The following AASS variants were observed in gnomAD, a reference collection of about 807,000 sequenced individuals.
AASS encodes the protein alpha-aminoadipic semialdehyde synthase, mitochondrial.
Under a neutral mutation model 105.4 loss-of-function variants are expected in AASS, and 86 were observed. That is an observed-to-expected ratio of 0.82 (90% CI 0.69 to 0.98). AASS has a LOEUF of 0.98. Among genes scored for constraint, AASS ranks in the 50% least tolerant of loss-of-function variants. The pLI, the probability that AASS is intolerant of heterozygous loss-of-function variation, is 0.00. For missense variants in AASS, 1,048 were observed against 1,143.2 expected (o/e 0.92, Z 1.20); for synonymous variants, 381 against 394.8 (o/e 0.96, Z 0.41).
At chr7:122,106,969 G>A (rs189555901) in intron 11 of AASS, among the ~76,000 whole-genome samples, 167 of 152,074 alleles carry the variant, frequency 1.1e-3, no homozygotes, top group Non-Finnish European at 1.5e-3. Flanking sequence ...TACAGAATGG[G>A]AGAAAATATT....
rs376317680 is a variant in AASS at position 122,126,368 on chromosome 7, T to C, written c.472+7A>G. 16 of 1,612,682 alleles carry C rather than the reference T, an allele frequency of 9.9e-6. No homozygotes were observed. The African/African-American group carries it at 1.3e-4, about 13-fold the overall frequency. ...GAAGTGGGTGATGTAAGCCCTGGCA[T>C]ACTTACCTGCCACACCAGCCCACTG... On this transcript the variant is annotated splice_region_variant and intron_variant, in intron 4 of 23. Transcript: ENST00000417368.
chr7:122,091,542 G>T (rs888085065), intron 18 of AASS, among the ~76,000 whole-genome samples, 161 bp downstream of exon 18: 2 of 152,150 alleles, frequency 1.3e-5, no homozygotes, highest in African/African-American at 4.8e-5. Flanking sequence ...AGGATACCGT[G>T]CTAAATAGAA....
intron 11 of AASS, among the ~76,000 whole-genome samples, chr7:122,111,688 G>A (rs1794942348): frequency 6.6e-6 from 1 of 152,086 alleles, no homozygotes; most frequent in Non-Finnish European, 1.5e-5. Flanking sequence ...TGGATCACGA[G>A]GTCAGGAGTT....
chr7:122,111,630 G>A (rs1349929257), intron 11 of AASS, among the ~76,000 whole-genome samples: 7 of 152,092 alleles, frequency 4.6e-5, no homozygotes, highest in East Asian at 1.9e-4. Flanking sequence ...GTGGCTGGGC[G>A]CGGTGGCTCA....
intron 11 of AASS, among the ~76,000 whole-genome samples, chr7:122,112,259 A>G (rs539499997): frequency 6.6e-6 from 1 of 152,340 alleles, no homozygotes; most frequent in South Asian, 2.1e-4. Context: ...TACTTTGAAC[A>G]CTTCCTGCAC....
intron 19 of AASS, chr7:122,082,960 G>A: frequency 1.0e-6 from 1 of 987,404 alleles, no homozygotes. Context: ...GACCATAATG[G>A]TTTATTCCCC....
intron 4 of AASS, among the ~76,000 whole-genome samples, chr7:122,120,907 T>A (rs1189065183): frequency 6.6e-6 from 1 of 152,240 alleles, no homozygotes; most frequent in South Asian, 2.1e-4. Flanking sequence ...ACAGTCAGAA[T>A]ACATACTGTA....
chr7:122,117,815 C>T (rs919157025), intron 6 of AASS, among the ~76,000 whole-genome samples: 1 of 151,918 alleles, frequency 6.6e-6, no homozygotes, highest in Non-Finnish European at 1.5e-5. Context: ...GTCACCATGC[C>T]TGGCTAATTT....
chr7:122,118,340 T>C lies in AASS; in HGVS notation c.654A>G (p.Thr218=), dbSNP rs1265175249. ...CATTACCAGTTCCTGTGAACACAAATGTTAAGGGTCCTATTGACTTAGGCA... is the reference window on the plus strand; with the variant it reads ...CATTACCAGTTCCTGTGAACACAAACGTTAAGGGTCCTATTGACTTAGGCA... ...GLMPKSIGPL[T]FVFTGTGNVS... The change falls in exon 6 of 24, where the codon ACA becomes ACG. Residue 218 remains threonine, a synonymous_variant. Coordinates refer to ENST00000417368, the MANE Select transcript of AASS (RefSeq NM_005763.4). 16 of 1,614,144 alleles carry C rather than the reference T, an allele frequency of 9.9e-6. No homozygotes were observed. Among genetic ancestry groups the C allele is most frequent in the African/African-American group, 1.3e-5 (1 of 75,048 alleles).
chr7:122,134,945 TA>T, intron 1 of AASS, among the ~76,000 whole-genome samples: 1 of 152,144 alleles, frequency 6.6e-6, no homozygotes, highest in East Asian at 1.9e-4. Context: ...TATGCAGCCA[TA>T]AAAAAGGATG....
chr7:122,077,941 A>T lies in AASS; in HGVS notation c.2559T>A (p.His853Gln). Residue 853 changes from histidine (H) to glutamine (Q), a missense_variant, in exon 23 of 24, where the codon CAT becomes CAA. Coordinates refer to ENST00000417368, the MANE Select transcript of AASS (RefSeq NM_005763.4). Reference sequence around the variant, plus strand: ...CATAAGCCACAAGATCAATCGTTTTATGTTCTAAATGTCCAGAAGGATGTC... The same window carrying T: ...CATAAGCCACAAGATCAATCGTTTTTTGTTCTAAATGTCCAGAAGGATGTC... The part of the protein sequence containing the change: ...GIRHPSGHLE[H>Q]KTIDLVAYGD... 6.2e-7 allele frequency: 1 copy of T among 1,614,196 alleles called. No individual in the cohort carries two copies. The highest frequency in any genetic ancestry group is 8.5e-7 in the Non-Finnish European group (1 of 1,180,020).
chr7:122,079,561 G>C (rs768705154), intron 21 of AASS, 36 bp downstream of exon 21: 1 of 1,423,534 alleles, frequency 7.0e-7, no homozygotes. Flanking sequence ...CATTGATCCA[G>C]TATATTTTGC....
chr7:122,133,555 AG>A lies in AASS; in HGVS notation c.171del (p.Leu58Ter), dbSNP rs754563986. ...GCCCGCCGATTCGAAGGCTGTATCA[AG>A]ACCTTGTATCCCAGATTGGTGATGC... ...IKGITNLGYK[V>X]LIQPSNRRAI... On this transcript the variant is annotated frameshift_variant, in exon 2 of 24. Coordinates refer to ENST00000417368, the MANE Select transcript of AASS (RefSeq NM_005763.4). LOFTEE classifies it high-confidence loss of function. The A allele has an allele frequency of 6.2e-7, 1 of 1,614,218 alleles. No homozygotes were observed. Among genetic ancestry groups the A allele is most frequent in the South Asian group, 1.1e-5 (1 of 91,078 alleles).
intron 18 of AASS, among the ~76,000 whole-genome samples, chr7:122,087,554 G>GA (rs1161751619): frequency 7.2e-5 from 11 of 151,976 alleles, no homozygotes; most frequent in Non-Finnish European, 1.3e-4. Context: ...CTAAATTTTT[G>GA]AAAAAATCTA....
intron 1 of AASS, 80 bp downstream of exon 1, chr7:122,144,081 C>T (rs375226341): frequency 6.6e-6 from 1 of 152,384 alleles, no homozygotes; most frequent in Non-Finnish European, 1.5e-5. Flanking sequence ...GAGCCCGGCC[C>T]GCTATCTCCA....
chr7:122,098,471 GCCA>G lies in AASS; in HGVS notation c.1631_1633del (p.Val544del). 1 of 1,612,062 alleles carries G rather than the reference GCCA, an allele frequency of 6.2e-7. No homozygotes were observed. Among genetic ancestry groups the G allele is most frequent in the Non-Finnish European group, 8.5e-7 (1 of 1,178,728 alleles). On this transcript the variant is annotated inframe_deletion, in exon 15 of 24. Coordinates refer to ENST00000417368, the MANE Select transcript of AASS (RefSeq NM_005763.4). ...TGACCTGATGACAAGATCCTGTTTTGCCACCAAGAAGCCCAGCTTCTCTTCTTG... is the reference window on the plus strand; with the variant it reads ...TGACCTGATGACAAGATCCTGTTTTGCCAAGAAGCCCAGCTTCTCTTCTTG...
At chr7:122,097,596 AC>A (rs1794223008) in intron 15 of AASS, among the ~76,000 whole-genome samples, 1 of 151,918 alleles carries the variant, frequency 6.6e-6, no homozygotes, top group Non-Finnish European at 1.5e-5. Flanking sequence ...AAATATCAAA[AC>A]CAAATTTAGT....
At position 122,116,633 on chromosome 7, in the gene AASS, A is replaced by G; in HGVS notation, c.894T>C (p.Asp298=). 6.2e-7 allele frequency: 1 copy of G among 1,614,054 alleles called. No individual in the cohort carries two copies. Among genetic ancestry groups the G allele is most frequent in the African/African-American group, 1.3e-5 (1 of 75,030 alleles). Residue 298 remains aspartate, a splice_region_variant and synonymous_variant, in exon 8 of 24, where the codon GAT becomes GAC. Transcript: ENST00000417368. ...CTTAAAAGGTGAATATGATACTCAC[A>G]TCAGTATTAAAACGACTTATGTAGC... ...PERYISRFNT[D]IAPYTTCLIN...
In AASS at chr7:122,098,430, A is replaced by T. The variant is rs370060120; in HGVS notation, c.1655+20T>A. ...AAATAACAACAAAAATATGAAACTC[A>T]TTTCTTGCCAGATACTGACCTGATG... On this transcript the variant is annotated intron_variant, in intron 15 of 23. Coordinates refer to ENST00000417368, the MANE Select transcript of AASS (RefSeq NM_005763.4). 1.6e-5 allele frequency: 26 copies of T among 1,610,822 alleles called. No homozygotes were observed. The highest frequency in any genetic ancestry group is 8.0e-5 in the African/African-American group (6 of 74,714).
Sources: allele counts gnomAD v4.1 joint callset (sites outside exome capture counted in the v4.1 genomes callset), GRCh38; gene constraint gnomAD v4.1.1; transcripts MANE v1.5; gene names NCBI Gene and HGNC (gene_info 2026-07-23, HGNC 2026-07-21).